Variants in SSX2IP observed in about 807,000 individuals in gnomAD.
The protein encoded by SSX2IP is SSX family member 2 interacting protein, also known as afadin- and alpha-actinin-binding protein.
Under a neutral mutation model 84.9 loss-of-function variants are expected in SSX2IP, and 55 were observed. The ratio of observed to expected loss-of-function variants is 0.65; its 90% CI spans 0.52 to 0.81. SSX2IP has a LOEUF of 0.81. Ranked by LOEUF, SSX2IP falls within the 30% of genes least tolerant of loss-of-function variation. SSX2IP has a pLI of 0.00. For missense variants in SSX2IP, 664 were observed against 705.2 expected (o/e 0.94, Z 0.66); for synonymous variants, 239 against 234.7 (o/e 1.02, Z -0.17).
rs1368657121 is a variant in SSX2IP, at chr1:84,645,371, C to A, written c.*2062G>T. 5 of 152,130 alleles carry A rather than the reference C, an allele frequency of 3.3e-5. No individual in the cohort carries two copies. Among genetic ancestry groups the A allele is most frequent in the Non-Finnish European group, 7.4e-5 (5 of 68,016 alleles). 9.4% of individuals were successfully genotyped at this position (152,130 alleles called of 1,614,324 possible). A position where few individuals can be genotyped will look rare whatever the true frequency, so the allele number is the denominator to read the frequency against. On this transcript the variant is annotated 3_prime_UTR_variant, in exon 14 of 14. Coordinates refer to ENST00000342203, the MANE Select transcript of SSX2IP (RefSeq NM_001166293.2). ...AAAATGTACAACTTCTGGATCTATG[C>A]AGACATTGAAGGTGCAATGAGTCTG... is the stretch of plus-strand genomic sequence containing the variant.
At chr1:84,675,793 C>T (rs1395149424) in intron 1 of SSX2IP, among the ~76,000 whole-genome samples, 3 of 152,178 alleles carry the variant, frequency 2.0e-5, no homozygotes, top group Non-Finnish European at 2.9e-5. Flanking sequence ...ATGTAAATTG[C>T]GTATTCAGTG....
At chr1:84,676,005 G>T (rs993468195) in intron 1 of SSX2IP, among the ~76,000 whole-genome samples, 4 of 152,110 alleles carry the variant, frequency 2.6e-5, no homozygotes, top group Non-Finnish European at 5.9e-5. Context: ...AACCACCTTG[G>T]ACACATGTCG....
chr1:84,677,525 G>A (rs544019798), intron 1 of SSX2IP, among the ~76,000 whole-genome samples: 6 of 152,152 alleles, frequency 3.9e-5, no homozygotes, highest in South Asian at 2.1e-4. Flanking sequence ...TGGTGGACAC[G>A]CTCTTGGGTT....
At chr1:84,665,143 T>C (rs1652597079) in intron 5 of SSX2IP, among the ~76,000 whole-genome samples, 1 of 152,198 alleles carries the variant, frequency 6.6e-6, no homozygotes, top group South Asian at 2.1e-4. Flanking sequence ...GAGTATGTCC[T>C]ATTCTTTTAT....
At chr1:84,684,639 G>A (rs778458309) in intron 1 of SSX2IP, among the ~76,000 whole-genome samples, 32 of 152,118 alleles carry the variant, frequency 2.1e-4, no homozygotes, top group Non-Finnish European at 2.8e-4. Flanking sequence ...TCTTGCCTAC[G>A]TATGCCAGGA....
chr1:84,650,076 G>A (rs1441150761), intron 13 of SSX2IP: 1 of 630,144 alleles, frequency 1.6e-6, no homozygotes, highest in African/African-American at 1.8e-5. Context: ...CTATAATTAA[G>A]ACTACATTCT....
At chr1:84,661,296 C>T (rs1245486284) in intron 8 of SSX2IP, among the ~76,000 whole-genome samples, 3 of 151,976 alleles carry the variant, frequency 2.0e-5, no homozygotes, top group African/African-American at 7.3e-5. Flanking sequence ...TTGCTGAAAC[C>T]TACGATTTTA....
intron 1 of SSX2IP, among the ~76,000 whole-genome samples, chr1:84,684,662 T>C (rs1403231440): frequency 6.6e-6 from 1 of 152,136 alleles, no homozygotes; most frequent in African/African-American, 2.4e-5. Flanking sequence ...TGTGCACCTA[T>C]ACAGCAGCAT....
chr1:84,688,666 G>GT (rs1338992163), intron 1 of SSX2IP, among the ~76,000 whole-genome samples: 1 of 152,196 alleles, frequency 6.6e-6, no homozygotes, highest in Non-Finnish European at 1.5e-5. Flanking sequence ...CAATTTCAGC[G>GT]TAACATTTTA....
rs573316615 is a variant in SSX2IP at position 84,656,026 on chromosome 1, G to GT, written c.1216-22dup. ...TGCTGCTATTAAAATTTAAAACATA[G>GT]TAAGTTCCTGAGGGACCTTGCGACA... On this transcript the variant is annotated intron_variant, in intron 10 of 13. Coordinates refer to ENST00000342203, the MANE Select transcript of SSX2IP (RefSeq NM_001166293.2). The GT allele has an allele frequency of 3.7e-4, 600 of 1,601,812 alleles. 1 individual carries two copies. The highest frequency in any genetic ancestry group is 4.1e-4 in the Non-Finnish European group (484 of 1,175,324).
rs576221160 is a variant in SSX2IP, at chr1:84,655,283, T to A, written c.1389+549A>T. 7 of 1,043,396 alleles carry A rather than the reference T, an allele frequency of 6.7e-6. No individual in the cohort carries two copies. In the East Asian group the frequency reaches 5.4e-4, roughly 80 times the overall value. The allele number at this position is 1,043,396 out of a possible 1,614,324, so 64.6% of individuals were successfully genotyped here. On this transcript the variant is annotated intron_variant, in intron 11 of 13. Transcript: ENST00000342203. The stretch of plus-strand genomic sequence containing the variant: ...GAAAGGAGGATACTTTCTTACTTTG[T>A]AGCTTTTTTTAATGAGTTTTGTTGA...
At chr1:84,651,094 C>A (rs993305166) in intron 12 of SSX2IP, among the ~76,000 whole-genome samples, 1 of 152,216 alleles carries the variant, frequency 6.6e-6, no homozygotes, top group East Asian at 2.0e-4. Context: ...GGCGGAATGA[C>A]TGCTTAAGCC....
At chr1:84,676,518 AG>A (rs1287436730) in intron 1 of SSX2IP, among the ~76,000 whole-genome samples, 4 of 152,180 alleles carry the variant, frequency 2.6e-5, no homozygotes, top group Admixed American at 2.6e-4. Flanking sequence ...AAAATAAGAA[AG>A]GGAACTCTGG....
intron 8 of SSX2IP, among the ~76,000 whole-genome samples, chr1:84,660,696 C>G (rs1392592083): frequency 1.3e-5 from 2 of 151,782 alleles, no homozygotes; most frequent in Non-Finnish European, 2.9e-5. Context: ...ACCCGAGAGG[C>G]AGAGATTGCA....
chr1:84,675,352 A>G (rs1433827201), intron 1 of SSX2IP, among the ~76,000 whole-genome samples: 1 of 152,216 alleles, frequency 6.6e-6, no homozygotes. Context: ...TAGTTCAAGT[A>G]ATGTGTAACC....
At position 84,655,428 on chromosome 1, in the gene SSX2IP, C is replaced by A. The variant is rs759117450; in HGVS notation, c.1389+404G>T. 4.7e-6 allele frequency: 6 copies of A among 1,289,150 alleles called. No homozygotes were observed. The African/African-American group carries it at 6.1e-5, about 13-fold the overall frequency. The allele number at this position is 1,289,150 out of a possible 1,614,324, so 79.9% of individuals were successfully genotyped here. On this transcript the variant is annotated intron_variant, in intron 11 of 13. Transcript: ENST00000342203. Reference sequence around the variant, plus strand: ...AGAGCGTATATATAACAATGATGGACTGGGGAGAAGAGAACTTAATTTTTT... The same window carrying A: ...AGAGCGTATATATAACAATGATGGAATGGGGAGAAGAGAACTTAATTTTTT...
chr1:84,658,786 T>C (rs1467411168), intron 8 of SSX2IP, among the ~76,000 whole-genome samples: 2 of 152,214 alleles, frequency 1.3e-5, no homozygotes, highest in African/African-American at 2.4e-5. Flanking sequence ...CTCATTACAA[T>C]GTGGGAAAAC....
chr1:84,671,033 A>T, intron 2 of SSX2IP, 144 bp downstream of exon 2: 1 of 1,055,902 alleles, frequency 9.5e-7, no homozygotes, highest in Non-Finnish European at 1.3e-6. Context: ...TGGTGTTCTC[A>T]GTAGACATGA....
At chr1:84,666,088 AC>A in intron 5 of SSX2IP, 33 bp downstream of exon 5, 2 of 1,528,762 alleles carry the variant, frequency 1.3e-6, no homozygotes, top group Non-Finnish European at 1.8e-6. Flanking sequence ...ACAAAAATTC[AC>A]TTAAACTTCA....
Sources: gnomAD v4.1 joint callset for allele counts (sites outside exome capture counted in the v4.1 genomes callset) on GRCh38, gnomAD v4.1.1 for gene constraint, MANE v1.5 for transcripts, NCBI Gene and HGNC (gene_info 2026-07-23, HGNC 2026-07-21) for gene names.